PAK5: variants seen among roughly 807,000 people sequenced by gnomAD.
PAK5 encodes the protein serine/threonine-protein kinase PAK 5.
In PAK5, 16 loss-of-function variants were observed where a neutral mutation model predicts 65.9. The ratio of observed to expected loss-of-function variants is 0.24; its 90% CI spans 0.16 to 0.37. The LOEUF (loss-of-function observed/expected upper bound fraction) is 0.37. Among genes scored for constraint, PAK5 ranks in the 10% least tolerant of loss-of-function variants. The pLI is 1.00. For synonymous variants in PAK5, 371 were observed against 354.9 expected, an observed-to-expected ratio of 1.05 and a Z score of -0.51; for missense variants, 785 against 903.9, an observed-to-expected ratio of 0.87 and a Z score of 1.69.
At chr20:9,605,044 T>C (rs1024458426) in intron 3 of PAK5, among the ~76,000 whole-genome samples, 1 of 152,188 alleles carries the variant, frequency 6.6e-6, no homozygotes, top group Non-Finnish European at 1.5e-5. Context: ...CATGACAGAC[T>C]GAAGAAAGTG....
intron 1 of PAK5, among the ~76,000 whole-genome samples, chr20:9,759,977 G>C (rs961916824): frequency 6.6e-6 from 1 of 152,176 alleles, no homozygotes; most frequent in Non-Finnish European, 1.5e-5. Context: ...GCAAAAAGCT[G>C]CTATCCTACT....
At chr20:9,778,389 C>T (rs2048907624) in intron 1 of PAK5, among the ~76,000 whole-genome samples, 1 of 152,126 alleles carries the variant, frequency 6.6e-6, no homozygotes, top group Non-Finnish European at 1.5e-5. Context: ...AGGTGCACAT[C>T]ACCATGCCTG....
At chr20:9,667,294 G>C (rs557056998) in intron 2 of PAK5, among the ~76,000 whole-genome samples, 1 of 152,140 alleles carries the variant, frequency 6.6e-6, no homozygotes, top group South Asian at 2.1e-4. Context: ...AAATTGTAGA[G>C]TATAATTCTC....
intron 1 of PAK5, among the ~76,000 whole-genome samples, chr20:9,787,165 T>G (rs182902916): frequency 1.3e-5 from 2 of 152,292 alleles, no homozygotes; most frequent in East Asian, 3.9e-4. Context: ...AAGTGAAACA[T>G]TCTGCAGATA....
At chr20:9,824,486 G>A (rs972376915) in intron 1 of PAK5, among the ~76,000 whole-genome samples, 1 of 152,168 alleles carries the variant, frequency 6.6e-6, no homozygotes, top group Non-Finnish European at 1.5e-5. Flanking sequence ...TGAGGTTAGG[G>A]TTTGAACCAG....
rs147626911 is a variant in PAK5 at position 9,725,011 on chromosome 20, A to G, written c.-161-13576T>C. Among the ~76,000 whole-genome samples the G allele has an allele frequency of 2.4e-3, 369 of 152,250 alleles. 4 individuals are homozygous for G. The highest frequency in any genetic ancestry group is 8.4e-3 in the African/African-American group (350 of 41,532). ...TGTATCAAAATATCTGACATAACCC[A>G]TAAATATATACACTAACTACATACC... On this transcript the variant is annotated intron_variant, in intron 1 of 9. Coordinates refer to ENST00000353224, the MANE Select transcript of PAK5 (RefSeq NM_177990.4).
At chr20:9,724,237 A>G (rs1430443585) in intron 1 of PAK5, among the ~76,000 whole-genome samples, 2 of 152,196 alleles carry the variant, frequency 1.3e-5, no homozygotes, top group Non-Finnish European at 2.9e-5. Flanking sequence ...TTTTAGTACC[A>G]AAGTATGATA....
At chr20:9,747,366 G>T (rs1331215608) in intron 1 of PAK5, among the ~76,000 whole-genome samples, 1 of 151,748 alleles carries the variant, frequency 6.6e-6, no homozygotes, top group Non-Finnish European at 1.5e-5. Context: ...ACCAAAGCCG[G>T]GCAGAGACAC....
At chr20:9,774,712 G>T (rs1024866133) in intron 1 of PAK5, among the ~76,000 whole-genome samples, 33 of 152,086 alleles carry the variant, frequency 2.2e-4, no homozygotes, top group African/African-American at 7.7e-4. Flanking sequence ...GGACGACCAA[G>T]GTGGGCAGAT....
At chr20:9,677,340 G>C (rs1241332861) in intron 2 of PAK5, among the ~76,000 whole-genome samples, 6 of 152,122 alleles carry the variant, frequency 3.9e-5, no homozygotes, top group Non-Finnish European at 1.5e-5. Flanking sequence ...TTACTAGAGG[G>C]AGTAGAAGAG....
rs1437901260 is a variant in PAK5, at chr20:9,557,588, GC to G, written c.1743+19del. The G allele has an allele frequency of 6.3e-7, 1 of 1,598,560 alleles. No homozygotes were observed. The highest frequency in any genetic ancestry group is 1.3e-5 in the African/African-American group (1 of 74,312). ...GAGTGACAAGAAAAACTACGAACGG[GC>G]CAAACATGAACATCTTACCCGGCCA... On this transcript the variant is annotated intron_variant, in intron 7 of 9. Transcript: ENST00000353224.
chr20:9,539,318 G>T lies in PAK5; in HGVS notation c.*144C>A, dbSNP rs1239550085. 7 of 746,794 alleles carry T rather than the reference G, an allele frequency of 9.4e-6. No individual in the cohort carries two copies. The African/African-American group carries it at 1.2e-4, about 13-fold the overall frequency. 46.3% of individuals were successfully genotyped at this position (746,794 alleles called of 1,614,324 possible). A position where few individuals can be genotyped will look rare whatever the true frequency, so the allele number is the denominator to read the frequency against. On this transcript the variant is annotated 3_prime_UTR_variant, in exon 10 of 10. Transcript: ENST00000353224. ...AAGACACAAGAAGATGCCCTGGTCT[G>T]TTGAACCCTGCCGGTCATCACGCTG...
chr20:9,603,206 G>A (rs2046391188), intron 3 of PAK5, among the ~76,000 whole-genome samples: 1 of 152,186 alleles, frequency 6.6e-6, no homozygotes, highest in African/African-American at 2.4e-5. Context: ...TGACTTTCTG[G>A]GTAGATGGAG....
Position 9,580,709 on chromosome 20 carries a change from C to G in PAK5, c.426G>C (p.Thr142=), listed in dbSNP as rs1200878761. The part of the protein sequence containing the change: ...SSESDTTADY[T]TEKYREKSLY... ...GACTCTTCTCCCTGTACTTTTCGGT[C>G]GTGTAGTCAGCAGTAGTATCGGATT... Residue 142 remains threonine (T), a synonymous_variant, in exon 4 of 10, where the codon ACG becomes ACC. Transcript: ENST00000353224. The G allele has an allele frequency of 6.2e-7, 1 of 1,613,880 alleles. No individual in the cohort carries two copies. Among genetic ancestry groups the G allele is most frequent in the South Asian group, 1.1e-5 (1 of 91,028 alleles).
intron 1 of PAK5, among the ~76,000 whole-genome samples, chr20:9,832,567 C>T (rs1978810422): frequency 6.6e-6 from 1 of 152,190 alleles, no homozygotes; most frequent in African/African-American, 2.4e-5. Context: ...GCCACCGTGC[C>T]TGGCAGACAT....
intron 2 of PAK5, among the ~76,000 whole-genome samples, chr20:9,702,460 T>C (rs2047951836): frequency 6.6e-6 from 1 of 152,178 alleles, no homozygotes; most frequent in Non-Finnish European, 1.5e-5. Flanking sequence ...GTACCGATTG[T>C]ACATCATGTA....
At chr20:9,556,273 A>T (rs2045504981) in intron 7 of PAK5, among the ~76,000 whole-genome samples, 1 of 152,268 alleles carries the variant, frequency 6.6e-6, no homozygotes, top group Non-Finnish European at 1.5e-5. Flanking sequence ...ATGTACATGG[A>T]AATACGGGAA....
chr20:9,697,462 C>T (rs1424655794), intron 2 of PAK5, among the ~76,000 whole-genome samples: 1 of 152,064 alleles, frequency 6.6e-6, no homozygotes. Context: ...CTTCTAGACC[C>T]AGTTAAAGAC....
intron 6 of PAK5, among the ~76,000 whole-genome samples, chr20:9,559,640 G>A (rs138351836): frequency 3.3e-4 from 51 of 152,250 alleles, no homozygotes; most frequent in African/African-American, 1.1e-3. Context: ...GCCGGCGCTC[G>A]TAATTCCAGC....
Sources: gnomAD v4.1 joint callset for allele counts (sites outside exome capture counted in the v4.1 genomes callset) on GRCh38, gnomAD v4.1.1 for gene constraint, MANE v1.5 for transcripts, NCBI Gene and HGNC (gene_info 2026-07-23, HGNC 2026-07-21) for gene names.